The following CACNA1D variants were observed in gnomAD, a reference collection of about 807,000 sequenced individuals.
CACNA1D encodes calcium voltage-gated channel subunit alpha1 D, also known as voltage-dependent L-type calcium channel subunit alpha-1D.
Under a neutral mutation model 257.1 loss-of-function variants are expected in CACNA1D, and 55 were observed. That is an observed-to-expected ratio of 0.21 (90% confidence interval 0.17 to 0.27). The LOEUF (loss-of-function observed/expected upper bound fraction) is 0.27. Among genes scored for constraint, CACNA1D ranks in the 10% least tolerant of loss-of-function variants. The probability of loss-of-function intolerance (pLI) is 1.00; values close to 1 mark genes in which losing one functional copy is unlikely to be tolerated. For synonymous variants in CACNA1D, 980 were observed against 1,014.9 expected (o/e 0.97, Z 0.65); for missense variants, 1,876 against 2,784.0 (o/e 0.67, Z 7.34).
At chr3:53,555,785 T>G (rs2092633986) in intron 3 of CACNA1D, among the ~76,000 whole-genome samples, 1 of 152,162 alleles carries the variant, frequency 6.6e-6, no homozygotes, top group Non-Finnish European at 1.5e-5. Flanking sequence ...CTTTAGAAAT[T>G]CTTTTTTATT....
At chr3:53,769,450 C>G (rs1262363034) in intron 30 of CACNA1D, among the ~76,000 whole-genome samples, 1 of 152,202 alleles carries the variant, frequency 6.6e-6, no homozygotes, top group East Asian at 1.9e-4. Flanking sequence ...TTTCAGCAGC[C>G]CTGCCTAAGA....
At chr3:53,804,890 G>A in intron 44 of CACNA1D, 93 bp from the exon 45 acceptor site, 1 of 1,164,422 alleles carries the variant, frequency 8.6e-7, no homozygotes, top group Non-Finnish European at 1.3e-6. Context: ...TCCAAGGGAG[G>A]AGGCGGGGAG....
At chr3:53,761,422 G>A (rs1377046087) in intron 29 of CACNA1D, among the ~76,000 whole-genome samples, 3 of 152,140 alleles carry the variant, frequency 2.0e-5, no homozygotes, top group South Asian at 2.1e-4. Flanking sequence ...TTATCTACCC[G>A]TCTGTGTCGT....
chr3:53,602,985 C>G (rs985227472), intron 3 of CACNA1D, among the ~76,000 whole-genome samples: 3 of 152,196 alleles, frequency 2.0e-5, no homozygotes, highest in Non-Finnish European at 4.4e-5. Flanking sequence ...GAAGTTGTCC[C>G]TCTTGGAGAG....
At chr3:53,553,797 G>C (rs1226976703) in intron 3 of CACNA1D, among the ~76,000 whole-genome samples, 1 of 151,728 alleles carries the variant, frequency 6.6e-6, no homozygotes, top group Non-Finnish European at 1.5e-5. Flanking sequence ...CATTGGAAGA[G>C]AGAGTAAAAA....
At position 53,647,989 on chromosome 3, in the gene CACNA1D, G is replaced by T. The variant is rs1437599475; in HGVS notation, c.484-2790G>T. Among the ~76,000 whole-genome samples the T allele has an allele frequency of 2.0e-5, 3 of 152,194 alleles. No individual in the cohort carries two copies. The East Asian group carries it at 5.8e-4, about 29-fold the overall frequency. ...GGAGAGGGCAAAGGAGAAGGAAAAA[G>T]AACGTTAAACAGTTCATTTATACTA... is the stretch of plus-strand genomic sequence containing the variant. On this transcript the variant is annotated intron_variant, in intron 3 of 47. Coordinates refer to ENST00000350061, the MANE Select transcript of CACNA1D (RefSeq NM_001128840.3).
intron 3 of CACNA1D, among the ~76,000 whole-genome samples, chr3:53,539,149 G>A (rs148956196): frequency 1.8e-3 from 271 of 151,600 alleles, no homozygotes; most frequent in Middle Eastern, 6.8e-3. Context: ...CTGCTCTGTC[G>A]CCCAGGCTGG....
rs139441656 is a variant in CACNA1D at position 53,784,611 on chromosome 3, G to A, written c.4793-2211G>A. The stretch of plus-strand genomic sequence containing the variant: ...GGCCTGTATTTGCTAGAAGCATCAG[G>A]GTGGAATGGGGTGTGGGTCTTCTTC... On this transcript the variant is annotated intron_variant, in intron 39 of 47. Transcript: ENST00000350061. 1.1e-3 allele frequency among the ~76,000 whole-genome samples: 160 copies of A among 152,290 alleles called. 1 individual carries two copies. The highest frequency in any genetic ancestry group is 3.7e-3 in the African/African-American group (155 of 41,552).
intron 3 of CACNA1D, among the ~76,000 whole-genome samples, chr3:53,530,836 G>A (rs113060824): frequency 2.6e-5 from 4 of 151,736 alleles, no homozygotes; most frequent in African/African-American, 7.3e-5. Context: ...CTCTGCACCC[G>A]TGCACATCCT....
chr3:53,663,071 A>G (rs527785805), intron 5 of CACNA1D, among the ~76,000 whole-genome samples: 13 of 152,330 alleles, frequency 8.5e-5, no homozygotes, highest in African/African-American at 2.9e-4. Flanking sequence ...CCAAAGATGT[A>G]GCACCCAGAG....
chr3:53,781,460 G>A, intron 38 of CACNA1D, 106 bp from the exon 39 acceptor site: 1 of 764,176 alleles, frequency 1.3e-6, no homozygotes, highest in East Asian at 2.5e-5. Context: ...CCCATCAGAG[G>A]GCAGCATGTT....
chr3:53,611,108 G>A (rs377731780), intron 3 of CACNA1D, among the ~76,000 whole-genome samples: 1 of 152,238 alleles, frequency 6.6e-6, no homozygotes, highest in African/African-American at 2.4e-5. Flanking sequence ...GCCAGGAACT[G>A]TGGCTCATGC....
intron 3 of CACNA1D, among the ~76,000 whole-genome samples, chr3:53,590,932 C>T (rs375228328): frequency 1.3e-5 from 2 of 152,182 alleles, no homozygotes; most frequent in East Asian, 1.9e-4. Flanking sequence ...GCCTGTCCTG[C>T]ATTTTTCTCT....
chr3:53,785,128 C>A (rs1390525958), intron 39 of CACNA1D, among the ~76,000 whole-genome samples: 1 of 152,162 alleles, frequency 6.6e-6, no homozygotes, highest in Non-Finnish European at 1.5e-5. Context: ...TCCAAACATA[C>A]CCTGAGCAAA....
chr3:53,647,304 T>C (rs1370032232), intron 3 of CACNA1D, among the ~76,000 whole-genome samples: 2 of 152,124 alleles, frequency 1.3e-5, no homozygotes, highest in Non-Finnish European at 2.9e-5. Context: ...GGGGATGAGA[T>C]GCAAGAATCA....
At chr3:53,665,521 T>G in intron 5 of CACNA1D, 139 bp from the exon 6 acceptor site, 1 of 708,422 alleles carries the variant, frequency 1.4e-6, no homozygotes, top group Non-Finnish European at 2.5e-6. Context: ...AGGCTTAATA[T>G]TAATGAAAAG....
At chr3:53,608,716 C>T (rs543346775) in intron 3 of CACNA1D, among the ~76,000 whole-genome samples, 13 of 152,236 alleles carry the variant, frequency 8.5e-5, no homozygotes, top group African/African-American at 2.4e-4. Flanking sequence ...ACTCTTTTAA[C>T]GTATCTATTA....
At chr3:53,791,152 A>C in intron 40 of CACNA1D, 2 of 647,454 alleles carry the variant, frequency 3.1e-6, no homozygotes, top group Non-Finnish European at 5.6e-6. Context: ...GGCCCCAGGG[A>C]GACCCCTTCC....
chr3:53,738,266 G>C (rs1169464399), intron 20 of CACNA1D, among the ~76,000 whole-genome samples: 2 of 152,210 alleles, frequency 1.3e-5, no homozygotes, highest in Non-Finnish European at 2.9e-5. Flanking sequence ...CATTTCTGGA[G>C]CCTGGCAAGC....
Sources: allele counts gnomAD v4.1 joint callset (sites outside exome capture counted in the v4.1 genomes callset), GRCh38; gene constraint gnomAD v4.1.1; transcripts MANE v1.5; gene names NCBI Gene and HGNC (gene_info 2026-07-23, HGNC 2026-07-21).